COL24A1: variants seen among roughly 807,000 people sequenced by gnomAD.
The protein encoded by COL24A1 is collagen alpha-1(XXIV) chain.
In COL24A1, 224 loss-of-function variants were observed where a neutral mutation model predicts 253.9. The observed-to-expected ratio is 0.88, with a 90% CI of 0.79 to 0.99. The LOEUF is 0.99. COL24A1 is among the 50% of genes least tolerant of loss of function. The pLI is 0.00. For missense variants in COL24A1, 2,131 were observed against 2,068.5 expected, an observed-to-expected ratio of 1.03 and a Z score of -0.59; for synonymous variants, 685 against 673.7, an observed-to-expected ratio of 1.02 and a Z score of -0.26.
chr1:85,897,651 G>A (rs1049193561), intron 28 of COL24A1, among the ~76,000 whole-genome samples: 7 of 152,122 alleles, frequency 4.6e-5, no homozygotes, highest in Admixed American at 3.9e-4. Context: ...CATTCTATAA[G>A]AAAATGACAG....
intron 20 of COL24A1, among the ~76,000 whole-genome samples, chr1:85,976,329 G>A (rs560441619): frequency 2.0e-5 from 3 of 152,188 alleles, no homozygotes; most frequent in South Asian, 4.2e-4. Context: ...GGGCAAAACC[G>A]ACCTCTACAT....
chr1:85,864,574 TA>T (rs958525037), intron 37 of COL24A1, among the ~76,000 whole-genome samples: 3 of 152,086 alleles, frequency 2.0e-5, no homozygotes, highest in African/African-American at 4.8e-5. Flanking sequence ...CATTTGCTAT[TA>T]AAAAAAGAAA....
intron 20 of COL24A1, among the ~76,000 whole-genome samples, chr1:85,979,142 C>T (rs532617535): frequency 2.0e-5 from 3 of 152,006 alleles, no homozygotes; most frequent in South Asian, 2.1e-4. Flanking sequence ...TTGAACTGAA[C>T]GATAATAGTG....
intron 45 of COL24A1, among the ~76,000 whole-genome samples, chr1:85,820,064 T>G (rs1673462968): frequency 6.6e-6 from 1 of 152,156 alleles, no homozygotes; most frequent in East Asian, 1.9e-4. Context: ...GCCAGGCTGG[T>G]CTTGAACTCC....
chr1:85,852,766 C>G (rs746966498), intron 37 of COL24A1, among the ~76,000 whole-genome samples: 1 of 152,090 alleles, frequency 6.6e-6, no homozygotes, highest in Non-Finnish European at 1.5e-5. Flanking sequence ...TTAAAAATAT[C>G]TAACTGCTCA....
intron 5 of COL24A1, among the ~76,000 whole-genome samples, chr1:86,097,770 G>T (rs983646736): frequency 2.0e-5 from 3 of 151,556 alleles, no homozygotes; most frequent in African/African-American, 7.3e-5. Flanking sequence ...TTCATCCCTA[G>T]ATGATCTCAT....
At position 85,744,675 on chromosome 1, in the gene COL24A1, CT is replaced by C. The variant is rs1228872193; in HGVS notation, c.4662del (p.Val1555TyrfsTer38). The C allele has an allele frequency of 5.0e-6, 8 of 1,604,918 alleles. No individual in the cohort carries two copies. The highest frequency in any genetic ancestry group is 6.0e-6 in the Non-Finnish European group (7 of 1,176,094). On this transcript the variant is annotated frameshift_variant, in exon 57 of 60. Coordinates refer to ENST00000370571, the MANE Select transcript of COL24A1 (RefSeq NM_152890.7). LOFTEE classifies it high-confidence loss of function. Reference sequence around the variant, plus strand: ...GTAACCAAGAACTTACCATCTGATACTTTTTGTTCACAGTTAAGTAAATCTT... The same window carrying C: ...GTAACCAAGAACTTACCATCTGATACTTTTGTTCACAGTTAAGTAAATCTT... ...ICKDLLNCEQ[K>X]VSDGKYWIDP...
In COL24A1 at chr1:85,734,918, A is replaced by G; in HGVS notation, c.4829T>C (p.Leu1610Pro). The part of the protein sequence containing the change: ...GKVQMNFLHL[L>P]SSEATHIITI... The stretch of plus-strand genomic sequence containing the variant: ...GATGATATGGGTGGCTTCCGAACTC[A>G]GTAAATGAAGGAAGTTCATCTGGAC... Residue 1610 changes from leucine (L) to proline (P), a missense_variant, in exon 59 of 60, where the codon CTG (leucine) becomes CCG (proline). Leu to Pro is a moderately conservative substitution (Grantham distance 98). Transcript: ENST00000370571. The G allele has an allele frequency of 6.2e-7, 1 of 1,614,224 alleles. No individual in the cohort carries two copies. The highest frequency in any genetic ancestry group is 8.5e-7 in the Non-Finnish European group (1 of 1,180,032).
intron 28 of COL24A1, among the ~76,000 whole-genome samples, chr1:85,897,239 T>G (rs1177755674): frequency 1.3e-5 from 2 of 152,002 alleles, no homozygotes; most frequent in African/African-American, 4.8e-5. Flanking sequence ...CAACACACAC[T>G]GGGGCCTGTC....
intron 21 of COL24A1, 89 bp from the exon 22 acceptor site, chr1:85,970,360 G>T: frequency 8.1e-7 from 1 of 1,229,296 alleles, no homozygotes; most frequent in Non-Finnish European, 1.1e-6. Context: ...ATTCTAAAAT[G>T]TGAAGCTCAT....
chr1:85,829,833 TTTCAAA>T (rs1238072479), intron 43 of COL24A1, among the ~76,000 whole-genome samples: 2 of 152,024 alleles, frequency 1.3e-5, no homozygotes, highest in African/African-American at 2.4e-5. Flanking sequence ...TCTAAATTTT[TTTCAAA>T]GTTTTCAACT....
At chr1:86,019,300 T>C (rs1697272295) in intron 18 of COL24A1, among the ~76,000 whole-genome samples, 1 of 152,094 alleles carries the variant, frequency 6.6e-6, no homozygotes, top group Admixed American at 6.6e-5. Flanking sequence ...CTCACACCTA[T>C]AATCCCACAT....
In COL24A1 at chr1:85,745,503, G is replaced by A; in HGVS notation, c.4441C>T (p.Gln1481Ter). Residue 1481 changes from glutamine to a stop codon, truncating the protein, a stop_gained, in exon 56 of 60, where the codon CAA becomes TAA. Coordinates refer to ENST00000370571, the MANE Select transcript of COL24A1 (RefSeq NM_152890.7). LOFTEE classifies it high-confidence loss of function. ...TGAATAGCAGCATTGATATCCATTT[G>A]CTTCTGTGTAAAACAAAACCATTTG... ...GPPGAPGPRK[Q>*]MDINAAIQAL... 5 of 1,608,716 alleles carry A rather than the reference G, an allele frequency of 3.1e-6. No individual in the cohort carries two copies. The highest frequency in any genetic ancestry group is 1.7e-4 in the Middle Eastern group (1 of 6,046).
intron 5 of COL24A1, among the ~76,000 whole-genome samples, chr1:86,111,291 G>A (rs912958336): frequency 2.0e-5 from 3 of 152,146 alleles, no homozygotes; most frequent in African/African-American, 7.2e-5. Flanking sequence ...CTAGCTAGAG[G>A]ATTGTAAATG....
intron 55 of COL24A1, among the ~76,000 whole-genome samples, chr1:85,755,183 A>G (rs1666105373): frequency 6.6e-6 from 1 of 152,196 alleles, no homozygotes; most frequent in African/African-American, 2.4e-5. Context: ...TCAGCCAAGA[A>G]TTCTATTTCC....
intron 7 of COL24A1, among the ~76,000 whole-genome samples, chr1:86,064,222 T>G (rs1237562967): frequency 3.9e-5 from 6 of 152,168 alleles, no homozygotes; most frequent in Non-Finnish European, 8.8e-5. Context: ...CCCAAATCAT[T>G]GTCATAACAC....
chr1:86,124,927 T>G lies in COL24A1; in HGVS notation c.1409A>C (p.Tyr470Ser). ...TAGATCCTCATAATAATAATAATCA[T>G]AAAGCTCAGTTTCATAGCTATTTTC... ...PIENSYETEL[Y>S]DYYYYEDLNT... Residue 470 changes from tyrosine (Y) to serine (S), a missense_variant, in exon 3 of 60, where the codon TAT (tyrosine) becomes TCT (serine). Coordinates refer to ENST00000370571, the MANE Select transcript of COL24A1 (RefSeq NM_152890.7). 2 of 1,612,190 alleles carry G rather than the reference T, an allele frequency of 1.2e-6. No individual in the cohort carries two copies. The highest frequency in any genetic ancestry group is 1.7e-4 in the Middle Eastern group (1 of 5,998).
intron 2 of COL24A1, among the ~76,000 whole-genome samples, chr1:86,145,918 G>T (rs1056343586): frequency 1.3e-5 from 2 of 151,948 alleles, no homozygotes; most frequent in Non-Finnish European, 2.9e-5. Flanking sequence ...TTCACAGACG[G>T]AAGATATGAG....
chr1:86,013,248 T>C (rs1389391103), intron 19 of COL24A1, among the ~76,000 whole-genome samples: 1 of 152,190 alleles, frequency 6.6e-6, no homozygotes, highest in Admixed American at 6.5e-5. Flanking sequence ...CATAGAAGTA[T>C]ATATGTAGGT....
Sources: allele counts gnomAD v4.1 joint callset (sites outside exome capture counted in the v4.1 genomes callset), GRCh38; gene constraint gnomAD v4.1.1; transcripts MANE v1.5; gene names NCBI Gene and HGNC (gene_info 2026-07-23, HGNC 2026-07-21).